The following RASAL2 variants were observed in gnomAD, a reference collection of about 807,000 sequenced individuals.
RASAL2 encodes ras GTPase-activating protein nGAP.
In RASAL2, 58 loss-of-function variants were observed where a neutral mutation model predicts 128.9. The observed-to-expected ratio is 0.45, with a 90% CI of 0.36 to 0.56. The LOEUF is 0.56. Ranked by LOEUF, RASAL2 falls within the 20% of genes least tolerant of loss-of-function variation. RASAL2 has a pLI of 0.00. For synonymous variants in RASAL2, 561 were observed against 580.8 expected (o/e 0.97, Z 0.49); for missense variants, 1,360 against 1,601.6 (o/e 0.85, Z 2.57).
chr1:178,443,196 A>C lies in RASAL2; in HGVS notation c.1449A>C (p.Leu483Phe). The change falls in exon 8 of 18, where the codon TTA becomes TTC. Residue 483 changes from leucine to phenylalanine, a missense_variant. Physicochemically the swap from Leu to Phe is conservative, Grantham distance 22. Around this residue, in one of 3 missense-constraint regions of RASAL2, gnomAD observed 617 missense variants for 714.2 expected, o/e 0.86. Transcript: ENST00000367649. The stretch of plus-strand genomic sequence containing the variant: ...ATAAAGAGGAGTTGGCTTGTGCCTT[A>C]GTGCACATTCTTCAAAGTACTGGCA... ...VRNKEELACA[L>F]VHILQSTGRA... is the part of the protein sequence containing the mutation. 6.2e-7 allele frequency: 1 copy of C among 1,612,246 alleles called. No individual in the cohort carries two copies. Among genetic ancestry groups the C allele is most frequent in the Non-Finnish European group, 8.5e-7 (1 of 1,178,478 alleles).
At chr1:178,450,982 G>A (rs1015568523) in intron 9 of RASAL2, among the ~76,000 whole-genome samples, 7 of 152,134 alleles carry the variant, frequency 4.6e-5, no homozygotes, top group Non-Finnish European at 8.8e-5. Flanking sequence ...TAGAGCATAG[G>A]CCGTATGAAC....
chr1:178,326,985 C>T (rs968975618), intron 3 of RASAL2, among the ~76,000 whole-genome samples: 6 of 152,146 alleles, frequency 3.9e-5, no homozygotes, highest in Non-Finnish European at 8.8e-5. Flanking sequence ...ATGGTTTAAA[C>T]CATGCTACAA....
intron 1 of RASAL2, among the ~76,000 whole-genome samples, chr1:178,205,553 G>A (rs1251583354): frequency 2.0e-5 from 3 of 151,590 alleles, no homozygotes; most frequent in Non-Finnish European, 2.9e-5. Context: ...TCAGGAGATC[G>A]AGACCATCCT....
chr1:178,187,880 A>C (rs1429696695), intron 1 of RASAL2, among the ~76,000 whole-genome samples: 1 of 152,120 alleles, frequency 6.6e-6, no homozygotes, highest in African/African-American at 2.4e-5. Context: ...CTCTCAAAGC[A>C]CTAGAATTAC....
At chr1:178,464,567 G>GGTGTGTGTGTGTGTGTGT (rs58822651) in intron 15 of RASAL2, among the ~76,000 whole-genome samples, 155 bp downstream of exon 15, 170 of 145,118 alleles carry the variant, frequency 1.2e-3, no homozygotes, top group African/African-American at 3.1e-3. Context: ...ATAGGTCAGT[G>GGTGTGTGTGTGTGTGTGT]GTGTGTGTGT....
intron 17 of RASAL2, chr1:178,470,738 C>A: frequency 7.3e-7 from 1 of 1,364,862 alleles, no homozygotes; most frequent in Non-Finnish European, 9.8e-7. Context: ...GTAAACCCCG[C>A]GTCCGTTCTC....
chr1:178,380,694 A>C (rs1672235055), intron 3 of RASAL2, among the ~76,000 whole-genome samples: 1 of 152,214 alleles, frequency 6.6e-6, no homozygotes, highest in East Asian at 1.9e-4. Flanking sequence ...CAGACAAGCA[A>C]GAATGGGTGC....
At chr1:178,124,610 T>C (rs1659832768) in intron 1 of RASAL2, among the ~76,000 whole-genome samples, 1 of 151,968 alleles carries the variant, frequency 6.6e-6, no homozygotes, top group African/African-American at 2.4e-5. Flanking sequence ...TTTACTCTTT[T>C]ATTAGGATGT....
intron 17 of RASAL2, among the ~76,000 whole-genome samples, chr1:178,470,505 A>T (rs1489067115): frequency 6.6e-6 from 1 of 152,144 alleles, no homozygotes; most frequent in Non-Finnish European, 1.5e-5. Flanking sequence ...GATCATAAGG[A>T]TCCATTTCTT....
intron 1 of RASAL2, among the ~76,000 whole-genome samples, chr1:178,138,301 C>A (rs1660401576): frequency 6.6e-6 from 1 of 152,052 alleles, no homozygotes; most frequent in South Asian, 2.1e-4. Flanking sequence ...TCCTGAAGTT[C>A]CCTGAAATAG....
At chr1:178,406,927 G>T (rs549701813) in intron 4 of RASAL2, among the ~76,000 whole-genome samples, 3 of 151,982 alleles carry the variant, frequency 2.0e-5, no homozygotes, top group African/African-American at 7.2e-5. Context: ...TCTGTGCTTT[G>T]TATGTTTAAA....
Position 178,371,296 on chromosome 1 carries a change from CTTCTT to C in RASAL2, c.458-18802_458-18798del, listed in dbSNP as rs1671682881. Among the ~76,000 whole-genome samples, 4 of 149,604 alleles carry C rather than the reference CTTCTT, an allele frequency of 2.7e-5. No individual in the cohort carries two copies. The South Asian group carries it at 8.5e-4, about 32-fold the overall frequency. ...CCTTCAGCCCAACAAGCTTACTTCT[CTTCTT>C]TCAGATTTCAGCCTTCTTTCCCACA... On this transcript the variant is annotated intron_variant, in intron 3 of 17. Coordinates refer to ENST00000367649, the MANE Select transcript of RASAL2 (RefSeq NM_170692.4).
intron 1 of RASAL2, among the ~76,000 whole-genome samples, chr1:178,136,756 CAAAAAAAAAA>C (rs397982072): frequency 1.1e-4 from 5 of 47,206 alleles, no homozygotes; most frequent in East Asian, 7.5e-4. Flanking sequence ...GACTCTGTCT[CAAAAAAAAAA>C]AAAAAAAAAA....
At chr1:178,208,168 A>T (rs1663121841) in intron 1 of RASAL2, among the ~76,000 whole-genome samples, 1 of 152,200 alleles carries the variant, frequency 6.6e-6, no homozygotes, top group Non-Finnish European at 1.5e-5. Flanking sequence ...TTGAGGAAGA[A>T]CAGAATAACA....
At chr1:178,398,312 A>AT (rs1461323306) in intron 4 of RASAL2, among the ~76,000 whole-genome samples, 1 of 152,106 alleles carries the variant, frequency 6.6e-6, no homozygotes, top group African/African-American at 2.4e-5. Context: ...ATATTTTTTA[A>AT]TTTTTGCAAA....
chr1:178,396,431 C>T (rs1053691493), intron 4 of RASAL2, among the ~76,000 whole-genome samples: 4 of 152,088 alleles, frequency 2.6e-5, no homozygotes, highest in African/African-American at 9.7e-5. Context: ...GCCTAATGCC[C>T]ACTTAAGGGA....
At chr1:178,393,639 A>G (rs1472422592) in intron 4 of RASAL2, among the ~76,000 whole-genome samples, 2 of 152,160 alleles carry the variant, frequency 1.3e-5, no homozygotes, top group Non-Finnish European at 2.9e-5. Context: ...CCCCTGATCT[A>G]TAGGAGAGTT....
At chr1:178,351,994 TA>T (rs1670537369) in intron 3 of RASAL2, among the ~76,000 whole-genome samples, 1 of 152,210 alleles carries the variant, frequency 6.6e-6, no homozygotes, top group Admixed American at 6.5e-5. Context: ...TTCTTGGAGT[TA>T]TTTCTAAATA....
At chr1:178,454,776 A>G in intron 12 of RASAL2, 128 bp downstream of exon 12, 1 of 720,410 alleles carries the variant, frequency 1.4e-6, no homozygotes, top group Non-Finnish European at 2.2e-6. Flanking sequence ...CTGAGAGTAA[A>G]TGGTCATCAT....
Sources: allele counts gnomAD v4.1 joint callset (sites outside exome capture counted in the v4.1 genomes callset), GRCh38; gene constraint gnomAD v4.1.1; regional missense constraint gnomAD v4.1.1; transcripts MANE v1.5; gene names NCBI Gene and HGNC (gene_info 2026-07-23, HGNC 2026-07-21).